Variants in FTO observed in about 807,000 individuals in gnomAD.
FTO encodes alpha-ketoglutarate-dependent dioxygenase FTO.
Under a neutral mutation model 63.9 loss-of-function variants are expected in FTO, and 47 were observed. The observed-to-expected ratio is 0.74, with a 90% CI of 0.58 to 0.94. FTO has a LOEUF of 0.94. Ranked by LOEUF, FTO falls within the 40% of genes least tolerant of loss-of-function variation. The probability of loss-of-function intolerance (pLI) is 0.00; values close to 1 mark genes in which losing one functional copy is unlikely to be tolerated. For synonymous variants in FTO, 207 were observed against 224.4 expected (o/e 0.92, Z 0.69); for missense variants, 562 against 618.1 (o/e 0.91, Z 0.96).
intron 7 of FTO, among the ~76,000 whole-genome samples, chr16:53,928,823 G>T (rs2082211001): frequency 6.6e-6 from 1 of 151,720 alleles, no homozygotes; most frequent in Non-Finnish European, 1.5e-5. Flanking sequence ...AACCCTATAG[G>T]TTTTTTATGG....
intron 8 of FTO, among the ~76,000 whole-genome samples, chr16:53,978,990 C>T (rs578040554): frequency 6.6e-6 from 1 of 151,434 alleles, no homozygotes; most frequent in East Asian, 1.9e-4. Context: ...TAGAGCGAGA[C>T]TCTGTCTCAA....
chr16:53,823,223 GTGTCAGGTGACATAGT>G (rs2078914765), intron 2 of FTO, among the ~76,000 whole-genome samples: 2 of 152,278 alleles, frequency 1.3e-5, no homozygotes, highest in East Asian at 3.9e-4. Flanking sequence ...TGGCCTCTCA[GTGTCAGGTGACATAGT>G]TGAGTACCCC....
At chr16:53,743,246 C>T (rs1353346865) in intron 1 of FTO, among the ~76,000 whole-genome samples, 2 of 152,070 alleles carry the variant, frequency 1.3e-5, no homozygotes, top group African/African-American at 2.4e-5. Flanking sequence ...TCACTGTGGT[C>T]GGAATGAAAG....
At chr16:53,711,401 C>G (rs1196365431) in intron 1 of FTO, 1 of 398,362 alleles carries the variant, frequency 2.5e-6, no homozygotes, top group Admixed American at 4.4e-5. Flanking sequence ...TACTCAGCAC[C>G]AGGGTAAAGA....
intron 8 of FTO, among the ~76,000 whole-genome samples, chr16:53,954,609 C>G (rs1009763457): frequency 3.3e-5 from 5 of 152,020 alleles, no homozygotes; most frequent in African/African-American, 1.2e-4. Flanking sequence ...AGGAAGGGTG[C>G]TGGTGTGGCT....
chr16:54,115,022 A>G lies in FTO; in HGVS notation c.*3107A>G, dbSNP rs762195422. 1 of 152,276 alleles carries G rather than the reference A, an allele frequency of 6.6e-6. No homozygotes were observed. Among genetic ancestry groups the G allele is most frequent in the Non-Finnish European group, 1.5e-5 (1 of 68,100 alleles). 9.4% of individuals were successfully genotyped at this position (152,276 alleles called of 1,614,324 possible). A position where few individuals can be genotyped will look rare whatever the true frequency, so the allele number is the denominator to read the frequency against. ...AAAAGCAGCTGGTGCGGGCAATGAC[A>G]ATGAACTCGTATCCTGCAGGGTCAA... On this transcript the variant is annotated 3_prime_UTR_variant, in exon 9 of 9. Transcript: ENST00000471389.
chr16:53,997,215 A>G (rs2083954756), intron 8 of FTO, among the ~76,000 whole-genome samples: 1 of 133,222 alleles, frequency 7.5e-6, no homozygotes, highest in South Asian at 2.4e-4. Context: ...GAAGGAAGGA[A>G]GGAGAGAGAG....
At chr16:53,732,011 C>G (rs907931471) in intron 1 of FTO, among the ~76,000 whole-genome samples, 1 of 149,380 alleles carries the variant, frequency 6.7e-6, no homozygotes, top group Non-Finnish European at 1.5e-5. Context: ...CAGGCGTGAG[C>G]CACCGCGCCC....
chr16:53,723,906 G>C lies in FTO; in HGVS notation c.45+19677G>C, dbSNP rs181133261. On this transcript the variant is annotated intron_variant, in intron 1 of 8. Coordinates refer to ENST00000471389, the MANE Select transcript of FTO (RefSeq NM_001080432.3). ...CACTGATCTGTGGAACACTGAAATA[G>C]CAGGAGTCACTAATTTGCCTGCTTT... 3.9e-5 allele frequency among the ~76,000 whole-genome samples: 6 copies of C among 152,322 alleles called. No individual in the cohort carries two copies. The East Asian group carries it at 1.2e-3, about 29-fold the overall frequency.
intron 8 of FTO, chr16:53,965,952 C>G (rs1184570329): frequency 6.6e-6 from 1 of 151,810 alleles, no homozygotes; most frequent in Non-Finnish European, 1.5e-5. Flanking sequence ...ACTGCAACCT[C>G]TGCCTCCCGG....
At chr16:53,987,862 T>C (rs1169660532) in intron 8 of FTO, among the ~76,000 whole-genome samples, 1 of 152,198 alleles carries the variant, frequency 6.6e-6, no homozygotes, top group Non-Finnish European at 1.5e-5. Flanking sequence ...TCAAGGGAGA[T>C]AATGAATATG....
chr16:53,857,118 T>C (rs1027509978), intron 4 of FTO, among the ~76,000 whole-genome samples: 4 of 152,136 alleles, frequency 2.6e-5, no homozygotes, highest in Non-Finnish European at 4.4e-5. Context: ...GGGATACATA[T>C]GCAGGTTTGT....
chr16:53,813,453 CCA>C (rs2078590294), intron 2 of FTO, among the ~76,000 whole-genome samples: 1 of 152,146 alleles, frequency 6.6e-6, no homozygotes, highest in African/African-American at 2.4e-5. Flanking sequence ...CTCACATTAT[CCA>C]CCTGCCTCGG....
chr16:53,888,154 C>A (rs776418746), intron 6 of FTO, among the ~76,000 whole-genome samples: 3 of 152,026 alleles, frequency 2.0e-5, no homozygotes, highest in Non-Finnish European at 4.4e-5. Context: ...GAAAACCCCT[C>A]TCTGGCGTGA....
chr16:53,905,036 T>A (rs111626485), intron 7 of FTO, among the ~76,000 whole-genome samples: 228 of 152,166 alleles, frequency 1.5e-3, no homozygotes, highest in Non-Finnish European at 2.4e-3. Flanking sequence ...CGAAAAGAGA[T>A]CTCAGCAGGG....
chr16:54,110,854 A>T (rs921741692), intron 8 of FTO, among the ~76,000 whole-genome samples: 1 of 152,218 alleles, frequency 6.6e-6, no homozygotes, highest in African/African-American at 2.4e-5. Context: ...AGGAGAGTCG[A>T]GAAATTGTTC....
rs150824117 is a variant in FTO, at chr16:53,819,495, A to G, written c.124-6369A>G. Among the ~76,000 whole-genome samples the G allele has an allele frequency of 1.2e-3, 183 of 152,134 alleles. 2 individuals are homozygous for G. The highest frequency in any genetic ancestry group is 4.2e-3 in the African/African-American group (173 of 41,526). On this transcript the variant is annotated intron_variant, in intron 2 of 8. Transcript: ENST00000471389. ...GCAGTTAATTTTTTTATGTGCTAAG[A>G]GGCTTCTCTATTAATTTGCTTGTGA...
At chr16:54,059,295 G>T (rs1392380909) in intron 8 of FTO, among the ~76,000 whole-genome samples, 1 of 152,116 alleles carries the variant, frequency 6.6e-6, no homozygotes, top group Non-Finnish European at 1.5e-5. Flanking sequence ...TGAAAACAGA[G>T]CAATTTCAAC....
intron 8 of FTO, among the ~76,000 whole-genome samples, chr16:54,056,198 C>CTCACAT (rs1373153592): frequency 8.5e-5 from 13 of 152,226 alleles, no homozygotes; most frequent in Non-Finnish European, 1.3e-4. Flanking sequence ...GCTCCGTGCT[C>CTCACAT]TCACATTCAT....
Sources: gnomAD v4.1 joint callset for allele counts (sites outside exome capture counted in the v4.1 genomes callset) on GRCh38, gnomAD v4.1.1 for gene constraint, MANE v1.5 for transcripts, NCBI Gene and HGNC (gene_info 2026-07-23, HGNC 2026-07-21) for gene names.